The following LRRTM4 variants were observed in gnomAD, a reference collection of about 807,000 sequenced individuals.
LRRTM4 encodes leucine rich repeat transmembrane neuronal 4, also known as leucine-rich repeat transmembrane neuronal protein 4.
In LRRTM4, 25 loss-of-function variants were observed where a neutral mutation model predicts 47.6. The observed-to-expected ratio is 0.53, with a 90% confidence interval of 0.38 to 0.73. LRRTM4 has a LOEUF of 0.73. LRRTM4 is among the 30% of genes least tolerant of loss of function. The pLI, the probability that LRRTM4 is intolerant of heterozygous loss-of-function variation, is 0.00. For synonymous variants in LRRTM4, 311 were observed against 269.5 expected (o/e 1.15, Z -1.51); for missense variants, 638 against 713.4 (o/e 0.89, Z 1.20).
chr2:77,287,253 C>T (rs950038802), intron 3 of LRRTM4, among the ~76,000 whole-genome samples: 4 of 151,944 alleles, frequency 2.6e-5, no homozygotes, highest in Non-Finnish European at 5.9e-5. Flanking sequence ...TTGTTCATGT[C>T]ACCTTGTGTT....
chr2:77,074,614 A>AT (rs1480897288), intron 3 of LRRTM4, among the ~76,000 whole-genome samples: 2 of 152,100 alleles, frequency 1.3e-5, no homozygotes, highest in African/African-American at 4.8e-5. Context: ...GGCTGGATAT[A>AT]TTTTTTATCA....
chr2:77,170,065 C>T (rs1406297059), intron 3 of LRRTM4, among the ~76,000 whole-genome samples: 1 of 152,016 alleles, frequency 6.6e-6, no homozygotes, highest in East Asian at 1.9e-4. Flanking sequence ...ATGTTGGGGT[C>T]CTAATCTTTG....
chr2:77,178,314 G>T (rs565480069), intron 3 of LRRTM4, among the ~76,000 whole-genome samples: 1 of 152,060 alleles, frequency 6.6e-6, no homozygotes, highest in African/African-American at 2.4e-5. Context: ...TCTGCTGGGC[G>T]CGGTGGCTCA....
chr2:76,896,738 G>T (rs1473780065), intron 3 of LRRTM4, among the ~76,000 whole-genome samples: 1 of 150,346 alleles, frequency 6.7e-6, no homozygotes, highest in East Asian at 1.9e-4. Flanking sequence ...TTTCAAATAA[G>T]CCAGAGTTTA....
chr2:76,895,812 T>C (rs1203542840), intron 3 of LRRTM4, among the ~76,000 whole-genome samples: 4 of 152,124 alleles, frequency 2.6e-5, no homozygotes, highest in African/African-American at 7.2e-5. Flanking sequence ...CCATGCAGTC[T>C]GTGGAGGGTG....
At chr2:77,255,923 A>G (rs1675752846) in intron 3 of LRRTM4, among the ~76,000 whole-genome samples, 1 of 152,050 alleles carries the variant, frequency 6.6e-6, no homozygotes, top group South Asian at 2.1e-4. Context: ...GAGACAACAG[A>G]AGCCAAAACC....
chr2:76,773,423 T>C (rs983061640), intron 3 of LRRTM4, among the ~76,000 whole-genome samples: 2 of 152,216 alleles, frequency 1.3e-5, no homozygotes, highest in Admixed American at 6.5e-5. Flanking sequence ...TCAGTACAAT[T>C]CTTCTTTGAC....
intron 3 of LRRTM4, among the ~76,000 whole-genome samples, chr2:76,792,513 G>A (rs747007676): frequency 3.3e-5 from 5 of 152,198 alleles, no homozygotes; most frequent in Non-Finnish European, 7.4e-5. Context: ...TTAGGAAGGC[G>A]TGTGTGTGTA....
intron 3 of LRRTM4, among the ~76,000 whole-genome samples, chr2:77,006,360 A>G (rs1677646804): frequency 6.6e-6 from 1 of 152,194 alleles, no homozygotes; most frequent in South Asian, 2.1e-4. Flanking sequence ...ACTAAATCAC[A>G]TACTAAAGAG....
chr2:77,372,605 A>G (rs1021578002), intron 3 of LRRTM4, among the ~76,000 whole-genome samples: 4 of 151,766 alleles, frequency 2.6e-5, no homozygotes, highest in Non-Finnish European at 5.9e-5. Context: ...TTCCACTTAC[A>G]TTACAATTGA....
rs539837532 is a variant in LRRTM4 at position 76,924,659 on chromosome 2, A to T, written c.1552-175743T>A. ...TATGAAACAGTTTGAGCGTAATACA[A>T]ATTTTGCATTGGCTTATGCATGATT... On this transcript the variant is annotated intron_variant, in intron 3 of 3. Transcript: ENST00000409884. Among the ~76,000 whole-genome samples the T allele has an allele frequency of 4.7e-4, 72 of 151,586 alleles. 1 individual carries two copies. The highest frequency in any genetic ancestry group is 9.4e-4 in the Non-Finnish European group (64 of 67,978).
chr2:77,346,173 G>T (rs1279723798), intron 3 of LRRTM4, among the ~76,000 whole-genome samples: 2 of 151,996 alleles, frequency 1.3e-5, no homozygotes, highest in Non-Finnish European at 2.9e-5. Context: ...TAGGAACAAA[G>T]AACAGATTAG....
chr2:76,778,343 T>G (rs1674152248), intron 3 of LRRTM4, among the ~76,000 whole-genome samples: 1 of 141,716 alleles, frequency 7.1e-6, no homozygotes, highest in African/African-American at 2.8e-5. Context: ...TGGTACCAGT[T>G]CCTCCTTGTA....
intron 3 of LRRTM4, among the ~76,000 whole-genome samples, chr2:76,838,401 A>G (rs1470213254): frequency 6.6e-6 from 1 of 152,150 alleles, no homozygotes; most frequent in Non-Finnish European, 1.5e-5. Flanking sequence ...CCCTAAATCA[A>G]GAACTAGAAA....
At chr2:76,871,460 C>G (rs1672621297) in intron 3 of LRRTM4, among the ~76,000 whole-genome samples, 1 of 152,150 alleles carries the variant, frequency 6.6e-6, no homozygotes, top group Non-Finnish European at 1.5e-5. Context: ...ATTTTCTAGT[C>G]AAGACCATCA....
intron 3 of LRRTM4, among the ~76,000 whole-genome samples, chr2:77,022,481 A>C (rs994388380): frequency 1.3e-5 from 2 of 152,190 alleles, no homozygotes; most frequent in African/African-American, 4.8e-5. Flanking sequence ...TGAAAGTTTC[A>C]TCTGAGACAA....
chr2:77,280,629 C>A (rs529975829), intron 3 of LRRTM4, among the ~76,000 whole-genome samples: 1 of 151,702 alleles, frequency 6.6e-6, no homozygotes, highest in African/African-American at 2.4e-5. Flanking sequence ...GTGACTTTGC[C>A]CGTTACTATT....
At chr2:77,256,496 T>C (rs1437383443) in intron 3 of LRRTM4, among the ~76,000 whole-genome samples, 2 of 152,090 alleles carry the variant, frequency 1.3e-5, no homozygotes, top group African/African-American at 4.8e-5. Flanking sequence ...TGGGAGGTAA[T>C]TGAATCATGG....
At chr2:76,822,314 T>C (rs1368111512) in intron 3 of LRRTM4, among the ~76,000 whole-genome samples, 1 of 151,208 alleles carries the variant, frequency 6.6e-6, no homozygotes, top group Non-Finnish European at 1.5e-5. Flanking sequence ...CTAGATATTA[T>C]AATAAAGGAA....
Sources: gnomAD v4.1 joint callset for allele counts (sites outside exome capture counted in the v4.1 genomes callset) on GRCh38, gnomAD v4.1.1 for gene constraint, MANE v1.5 for transcripts, NCBI Gene and HGNC (gene_info 2026-07-23, HGNC 2026-07-21) for gene names.